The following CDH24 variants were observed in gnomAD, a reference collection of about 807,000 sequenced individuals.
The protein encoded by CDH24 is cadherin 24.
In CDH24, 61 loss-of-function variants were observed where a neutral mutation model predicts 71.2. That is an observed-to-expected ratio of 0.86 (90% CI 0.70 to 1.06). The LOEUF (loss-of-function observed/expected upper bound fraction) is 1.06. CDH24 is among the 50% of genes least tolerant of loss of function. The pLI is 0.00. For missense variants in CDH24, 961 were observed against 1,083.7 expected, an observed-to-expected ratio of 0.89 and a Z score of 1.59; for synonymous variants, 440 against 470.2, an observed-to-expected ratio of 0.94 and a Z score of 0.83.
At chr14:23,050,679 C>T (rs1350767315) in intron 8 of CDH24, among the ~76,000 whole-genome samples, 1 of 152,238 alleles carries the variant, frequency 6.6e-6, no homozygotes, top group Non-Finnish European at 1.5e-5. Flanking sequence ...CCCATCCCTT[C>T]ATCAGGTGAC....
rs1311119227 is a variant in CDH24 at position 23,054,489 on chromosome 14, CA to C, written c.784+16del. 6.2e-7 allele frequency: 1 copy of C among 1,606,632 alleles called. No homozygotes were observed. The highest frequency in any genetic ancestry group is 1.3e-5 in the African/African-American group (1 of 74,950). On this transcript the variant is annotated intron_variant, in intron 5 of 12. Transcript: ENST00000487137. The surrounding 1 kb of genome is among the most constrained non-coding windows in gnomAD (Gnocchi z 5.2). ...GGTGATCAAAGGATGGCTCAGGTGG[CA>C]GCAATGGCCCCTTACTCTGTGGGAA...
At chr14:23,048,509 A>G (rs746462267) in intron 11 of CDH24, 30 bp from the exon 12 acceptor site, 3 of 1,595,102 alleles carry the variant, frequency 1.9e-6, no homozygotes, top group East Asian at 2.3e-5. Context: ...ACAGGCCCTG[A>G]GCCAGCAGGG....
rs372444504 is a variant in CDH24, at chr14:23,055,346, G to A, written c.209C>T (p.Ser70Leu). Residue 70 changes from serine (S) to leucine (L), a missense_variant, in exon 3 of 13, where the codon TCG becomes TTG. Ser to Leu is a moderately radical substitution (Grantham distance 145). Coordinates refer to ENST00000487137, the MANE Select transcript of CDH24 (RefSeq NM_144985.4). This position sits in a 1 kb window ranked among gnomAD's most constrained non-coding sequence, Gnocchi z 4.1. The part of the protein sequence containing the change: ...PEPVLIGKLH[S>L]DVDRGEGRTK... Reference sequence around the variant, plus strand: ...GCGGCCCTCTCCCCGGTCAACATCCGAGTGCAGCTGCAGGGGTCACGAAAA... The same window carrying A: ...GCGGCCCTCTCCCCGGTCAACATCCAAGTGCAGCTGCAGGGGTCACGAAAA... 1.5e-5 allele frequency: 24 copies of A among 1,606,198 alleles called. No individual in the cohort carries two copies. Among genetic ancestry groups the A allele is most frequent in the South Asian group, 9.9e-5 (9 of 90,964 alleles).
At chr14:23,053,782 C>T (rs746980735) in intron 6 of CDH24, 33 bp from the exon 7 acceptor site, 1 of 1,568,798 alleles carries the variant, frequency 6.4e-7, no homozygotes, top group African/African-American at 1.3e-5. Flanking sequence ...AAAAGTGAGG[C>T]ATGTGGAAAC....
rs150135230 is a variant in CDH24, at chr14:23,053,767, G to A, written c.973-18C>T. 399 of 1,580,246 alleles carry A rather than the reference G, an allele frequency of 2.5e-4. 3 individuals carry two copies. The African/African-American group carries it at 4.8e-3, about 19-fold the overall frequency. On this transcript the variant is annotated intron_variant, in intron 6 of 12. Transcript: ENST00000487137. ...TCTAGGGGCTATGGTGAGGGGAGAG[G>A]GAGAAAAAGTGAGGCATGTGGAAAC...
At position 23,047,949 on chromosome 14, in the gene CDH24, C is replaced by CCG. The variant is rs1566720880; in HGVS notation, c.*30_*31insCG. The CCG allele has an allele frequency of 2.3e-6, 3 of 1,290,240 alleles. No individual in the cohort carries two copies. The African/African-American group carries it at 4.7e-5, about 20-fold the overall frequency. 79.9% of individuals were successfully genotyped at this position (1,290,240 alleles called of 1,614,324 possible). ...CAGAGGGCCTGTGCCCGCTGCCCCCCCCCCGCGGTGGGCCGGGCCAGCCCG... is the reference window on the plus strand; with the variant it reads ...CAGAGGGCCTGTGCCCGCTGCCCCCCCGCCCCGCGGTGGGCCGGGCCAGCCCG... On this transcript the variant is annotated 3_prime_UTR_variant, in exon 12 of 13. Transcript: ENST00000487137.
chr14:23,052,643 G>A, intron 7 of CDH24, 34 bp from the exon 8 acceptor site: 1 of 1,607,414 alleles, frequency 6.2e-7, no homozygotes, highest in Non-Finnish European at 8.5e-7. Flanking sequence ...GGGCTGATCT[G>A]GGGCGGGACC....
At position 23,051,569 on chromosome 14, in the gene CDH24, C is replaced by T. The variant is rs978440909; in HGVS notation, c.1363+904G>A. On this transcript the variant is annotated intron_variant, in intron 8 of 12. Transcript: ENST00000487137. The surrounding 1 kb of genome is among the most constrained non-coding windows in gnomAD (Gnocchi z 4.4). ...ATGCATAATTAACATAAATATAATT[C>T]TGTACACTCAACAGTAAACACATAT... is the stretch of plus-strand genomic sequence containing the variant. 6.6e-6 allele frequency among the ~76,000 whole-genome samples: 1 copy of T among 152,168 alleles called. No individual in the cohort carries two copies. The highest frequency in any genetic ancestry group is 2.1e-4 in the South Asian group (1 of 4,832).
intron 1 of CDH24, among the ~76,000 whole-genome samples, chr14:23,056,355 C>A (rs2047129797): frequency 6.6e-6 from 1 of 152,236 alleles, no homozygotes; most frequent in Admixed American, 6.5e-5. Flanking sequence ...GGCCCTGTCT[C>A]CAGCCCACGC....
At position 23,048,318 on chromosome 14, in the gene CDH24, C is replaced by T. The variant is rs2047058420; in HGVS notation, c.2008G>A (p.Gly670Arg). ...GGGCCGGGCGCCGGGGGGGCCGCCC[C>T]GTCCGGGTTCTGCAAGGCCGTGATG... ...FDITALQNPD[G>R]AAPPAPGPPA... The change falls in exon 12 of 13, where the codon GGG becomes AGG. Residue 670 changes from glycine (G) to arginine (R), a missense_variant. Coordinates refer to ENST00000487137, the MANE Select transcript of CDH24 (RefSeq NM_144985.4). 1 of 1,608,820 alleles carries T rather than the reference C, an allele frequency of 6.2e-7. No homozygotes were observed. Among genetic ancestry groups the T allele is most frequent in the African/African-American group, 1.3e-5 (1 of 74,816 alleles).
chr14:23,052,281 C>G (rs2047090225), intron 8 of CDH24, 192 bp downstream of exon 8: 5 of 768,096 alleles, frequency 6.5e-6, no homozygotes, highest in African/African-American at 1.7e-5. Flanking sequence ...TGCCTGGTAG[C>G]AAGGATCCAG....
Position 23,048,379 on chromosome 14 carries a change from G to C in CDH24, c.1947C>G (p.Asp649Glu), listed in dbSNP as rs1469569950. 2 of 1,612,242 alleles carry C rather than the reference G, an allele frequency of 1.2e-6. No individual in the cohort carries two copies. The highest frequency in any genetic ancestry group is 2.2e-5 in the East Asian group (1 of 44,862). ...CGGTGTCCTCCTCGCCGCCGCCCTC[G>C]TCGTCGTAGGTGATGATGTTCTCTC... ...DVRENIITYD[D>E]EGGGEEDTEA... The change falls in exon 12 of 13, where the codon GAC becomes GAG. Residue 649 changes from aspartate (D) to glutamate (E), a missense_variant. Physicochemically the swap from Asp to Glu is conservative, Grantham distance 45 (BLOSUM62 2). Around this residue, in one of 2 missense-constraint regions of CDH24, gnomAD observed 290 missense variants for 272.8 expected, o/e 1.06. Coordinates refer to ENST00000487137, the MANE Select transcript of CDH24 (RefSeq NM_144985.4).
Position 23,048,200 on chromosome 14 carries a change from CG to C in CDH24, c.2125del (p.Arg709GlyfsTer94). ...PADVAQLLAL[R>X]LREADEDPGV... Reference sequence around the variant, plus strand: ...GGGGTCCTCGTCCGCCTCGCGGAGCCGCAGCGCCAGGAGCTGCGCCACGTCG... The same window carrying C: ...GGGGTCCTCGTCCGCCTCGCGGAGCCCAGCGCCAGGAGCTGCGCCACGTCG... On this transcript the variant is annotated frameshift_variant, in exon 12 of 13. Transcript: ENST00000487137. LOFTEE classifies it high-confidence loss of function. 1 of 1,327,004 alleles carries C rather than the reference CG, an allele frequency of 7.5e-7. No individual in the cohort carries two copies. Among genetic ancestry groups the C allele is most frequent in the Non-Finnish European group, 9.7e-7 (1 of 1,034,726 alleles). The allele number at this position is 1,327,004 out of a possible 1,614,324, so 82.2% of individuals were successfully genotyped here. A position where few individuals can be genotyped will look rare whatever the true frequency, so the allele number is the denominator to read the frequency against.
In CDH24 at chr14:23,051,992, T is replaced by TC; in HGVS notation, c.1363+480dup. 1 of 1,584,892 alleles carries TC rather than the reference T, an allele frequency of 6.3e-7. No individual in the cohort carries two copies. The highest frequency in any genetic ancestry group is 1.2e-5 in the South Asian group (1 of 86,914). The stretch of plus-strand genomic sequence containing the variant: ...TACCTTGGGGGATTCCCACAGCGCT[T>TC]CCAACAGGGCTTCTCTGGGGTGGGG... On this transcript the variant is annotated intron_variant, in intron 8 of 12. Coordinates refer to ENST00000487137, the MANE Select transcript of CDH24 (RefSeq NM_144985.4). The surrounding 1 kb of genome is among the most constrained non-coding windows in gnomAD (Gnocchi z 4.4).
rs771929471 is a variant in CDH24 at position 23,048,504 on chromosome 14, C to A, written c.1847-25G>T. On this transcript the variant is annotated intron_variant, in intron 11 of 12. Transcript: ENST00000487137. The stretch of plus-strand genomic sequence containing the variant: ...GCTGCGCGAGAGGCGCGCACACAGG[C>A]CCTGAGCCAGCAGGGCCGGGAGCGG... 8 of 1,597,020 alleles carry A rather than the reference C, an allele frequency of 5.0e-6. No homozygotes were observed. The East Asian group carries it at 1.1e-4, about 22-fold the overall frequency.
intron 11 of CDH24, among the ~76,000 whole-genome samples, chr14:23,048,711 T>C (rs570130872): frequency 2.0e-4 from 30 of 152,214 alleles, no homozygotes; most frequent in African/African-American, 4.1e-4. Flanking sequence ...ATGTGGAGAA[T>C]AGGGAAAATA....
chr14:23,051,845 G>A lies in CDH24; in HGVS notation c.1363+628C>T, dbSNP rs566895891. 5.7e-4 allele frequency: 326 copies of A among 570,858 alleles called. 1 individual carries two copies. The highest frequency in any genetic ancestry group is 5.5e-3 in the African/African-American group (282 of 51,724). 35.4% of individuals were successfully genotyped at this position (570,858 alleles called of 1,614,324 possible). ...CTATTCACAGAAGATCGGGAGGGAG[G>A]TCTCCCTGTCTGTATGGGCTAGGGC... On this transcript the variant is annotated intron_variant, in intron 8 of 12. Transcript: ENST00000487137. The surrounding 1 kb of genome is among the most constrained non-coding windows in gnomAD (Gnocchi z 4.4).
intron 11 of CDH24, 126 bp from the exon 12 acceptor site, chr14:23,048,605 C>A (rs2047061338): frequency 1.1e-6 from 1 of 910,704 alleles, no homozygotes; most frequent in Non-Finnish European, 1.7e-6. Context: ...ATCTAGCAAA[C>A]CTTGCATTGA....
rs1263047479 is a variant in CDH24 at position 23,048,097 on chromosome 14, C to T, written c.2229G>A (p.Leu743=). ...CGCCGCCGGCTTCGCTGCCGGAGCC[C>T]AGGGAGCTGAGGGAGCCGCAAGAGG... ...RGSSCGSLSS[L]GSGSEAGGAP... Residue 743 remains leucine, a synonymous_variant, in exon 12 of 13, where the codon CTG becomes CTA. Transcript: ENST00000487137. 1 of 1,417,296 alleles carries T rather than the reference C, an allele frequency of 7.1e-7. No homozygotes were observed. The highest frequency in any genetic ancestry group is 3.2e-5 in the Admixed American group (1 of 31,696). The allele number at this position is 1,417,296 out of a possible 1,614,324, so 87.8% of individuals were successfully genotyped here. A position where few individuals can be genotyped will look rare whatever the true frequency, so the allele number is the denominator to read the frequency against.
Sources: gnomAD v4.1 joint callset for allele counts (sites outside exome capture counted in the v4.1 genomes callset) on GRCh38, gnomAD v4.1.1 for gene constraint, gnomAD v4.1.1 regional missense constraint, Gnocchi (gnomAD v3.1) non-coding constraint, MANE v1.5 for transcripts, NCBI Gene and HGNC (gene_info 2026-07-23, HGNC 2026-07-21) for gene names.